The following SPAG16 variants were observed in gnomAD, a reference collection of about 807,000 sequenced individuals.
SPAG16 encodes the protein sperm associated antigen 16, also known as sperm-associated antigen 16 protein.
A neutral mutation model predicts 80.4 loss-of-function variants in SPAG16; 86 were observed. The ratio of observed to expected loss-of-function variants is 1.07; its 90% CI spans 0.90 to 1.28. SPAG16 has a LOEUF of 1.28. SPAG16 is among the 50% of genes most tolerant of loss of function. The pLI, the probability that SPAG16 is intolerant of heterozygous loss-of-function variation, is 0.00. For missense variants in SPAG16, 870 were observed against 765.3 expected, an observed-to-expected ratio of 1.14 and a Z score of -1.61; for synonymous variants, 294 against 265.9, an observed-to-expected ratio of 1.11 and a Z score of -1.03.
At chr2:214,293,551 G>A (rs767130710) in intron 15 of SPAG16, among the ~76,000 whole-genome samples, 49 of 152,320 alleles carry the variant, frequency 3.2e-4, no homozygotes, top group Non-Finnish European at 5.9e-4. Flanking sequence ...ACGTATGATA[G>A]GCAGAGGCAG....
intron 14 of SPAG16, among the ~76,000 whole-genome samples, chr2:214,145,891 A>C: frequency 6.6e-6 from 1 of 152,184 alleles, no homozygotes; most frequent in East Asian, 1.9e-4. Flanking sequence ...CAAATGTCTA[A>C]CACGTAGTAA....
intron 5 of SPAG16, chr2:213,317,791 T>C (rs1429570618): frequency 2.2e-6 from 2 of 927,468 alleles, no homozygotes; most frequent in African/African-American, 1.8e-5. Context: ...CTGTGGACTT[T>C]GGGTGATAAT....
In SPAG16 at chr2:213,797,177, T is replaced by G. The variant is rs2071096499; in HGVS notation, c.1071-65308T>G. ...ATAAGACATCCGTAAAGTTAAAAAATTAAACAGTTTATAAAGTAAAAATGT... is the reference window on the plus strand; with the variant it reads ...ATAAGACATCCGTAAAGTTAAAAAAGTAAACAGTTTATAAAGTAAAAATGT... On this transcript the variant is annotated intron_variant, in intron 10 of 15. Coordinates refer to ENST00000331683, the MANE Select transcript of SPAG16 (RefSeq NM_024532.5). Among the ~76,000 whole-genome samples, 5 of 152,136 alleles carry G rather than the reference T, an allele frequency of 3.3e-5. No homozygotes were observed. In the South Asian group the frequency reaches 1.0e-3, roughly 32 times the overall value.
intron 15 of SPAG16, among the ~76,000 whole-genome samples, chr2:214,391,791 G>A (rs1701095308): frequency 6.6e-6 from 1 of 152,128 alleles, no homozygotes; most frequent in African/African-American, 2.4e-5. Flanking sequence ...ATGAAGTTTG[G>A]ATCTGACACA....
chr2:213,938,104 A>AATAT (rs140123144), intron 12 of SPAG16, among the ~76,000 whole-genome samples: 3 of 150,144 alleles, frequency 2.0e-5, no homozygotes, highest in Admixed American at 6.6e-5. Context: ...GATAAAAGCG[A>AATAT]ATATATATAT....
At chr2:213,995,078 G>A (rs74888889) in intron 12 of SPAG16, among the ~76,000 whole-genome samples, 10,165 of 152,260 alleles carry the variant, frequency 0.067, 483 homozygotes, top group African/African-American at 0.13. Flanking sequence ...GAGGATGCTA[G>A]TTGAGAAGAC....
intron 12 of SPAG16, among the ~76,000 whole-genome samples, chr2:213,994,041 A>G (rs1047867977): frequency 6.6e-6 from 1 of 152,228 alleles, no homozygotes; most frequent in African/African-American, 2.4e-5. Flanking sequence ...TCGATTTGTG[A>G]TACAAAAACC....
At chr2:213,656,418 C>T (rs1418009673) in intron 10 of SPAG16, among the ~76,000 whole-genome samples, 1 of 152,180 alleles carries the variant, frequency 6.6e-6, no homozygotes, top group Non-Finnish European at 1.5e-5. Flanking sequence ...CTCGGCCTCC[C>T]AAAGTGCTGG....
intron 9 of SPAG16, among the ~76,000 whole-genome samples, chr2:213,427,733 G>A (rs555851416): frequency 3.0e-4 from 45 of 152,320 alleles, no homozygotes; most frequent in African/African-American, 1.1e-3. Context: ...TCTTCAGAAA[G>A]AGTTGATATA....
chr2:213,884,795 A>G (rs1360840906), intron 11 of SPAG16, among the ~76,000 whole-genome samples: 1 of 152,142 alleles, frequency 6.6e-6, no homozygotes, highest in Non-Finnish European at 1.5e-5. Flanking sequence ...TAGTACTTCC[A>G]ATTGTATTAT....
intron 12 of SPAG16, among the ~76,000 whole-genome samples, chr2:213,933,590 T>C (rs2078863163): frequency 1.3e-5 from 2 of 152,244 alleles, no homozygotes; most frequent in African/African-American, 4.8e-5. Flanking sequence ...TGTTACTGAA[T>C]GTTGCTATTC....
At chr2:213,654,051 A>C (rs189270330) in intron 10 of SPAG16, among the ~76,000 whole-genome samples, 1 of 152,316 alleles carries the variant, frequency 6.6e-6, no homozygotes, top group African/African-American at 2.4e-5. Flanking sequence ...TAGACTACAG[A>C]GTTGATGATT....
intron 12 of SPAG16, among the ~76,000 whole-genome samples, chr2:213,994,915 T>TC (rs2046445723): frequency 6.6e-6 from 1 of 152,226 alleles, no homozygotes; most frequent in Non-Finnish European, 1.5e-5. Context: ...CTTATTTGCA[T>TC]CTTTTCTTAT....
chr2:213,684,981 A>C (rs1352832067), intron 10 of SPAG16, among the ~76,000 whole-genome samples: 1 of 152,226 alleles, frequency 6.6e-6, no homozygotes, highest in African/African-American at 2.4e-5. Flanking sequence ...GGTTTACAGA[A>C]TAAAGCAGAT....
chr2:213,877,368 G>T (rs779026288), intron 11 of SPAG16, among the ~76,000 whole-genome samples: 1 of 151,940 alleles, frequency 6.6e-6, no homozygotes, highest in Non-Finnish European at 1.5e-5. Flanking sequence ...GGAGTGTGGT[G>T]GTGTGATCTT....
At chr2:213,439,011 T>C (rs2070790990) in intron 9 of SPAG16, among the ~76,000 whole-genome samples, 1 of 152,188 alleles carries the variant, frequency 6.6e-6, no homozygotes, top group Non-Finnish European at 1.5e-5. Flanking sequence ...TCATCACAGC[T>C]GCAAGAAAAT....
intron 10 of SPAG16, among the ~76,000 whole-genome samples, chr2:213,709,684 A>G (rs2065901679): frequency 1.3e-5 from 2 of 152,154 alleles, no homozygotes; most frequent in Non-Finnish European, 2.9e-5. Context: ...AATAAAGAAA[A>G]GTTATAAAAA....
intron 13 of SPAG16, among the ~76,000 whole-genome samples, chr2:214,045,626 G>C (rs2049276208): frequency 6.6e-6 from 1 of 152,064 alleles, no homozygotes. Flanking sequence ...TTAATGAAGT[G>C]ATTAAGAAGA....
At chr2:213,647,708 CT>C (rs2062869700) in intron 10 of SPAG16, among the ~76,000 whole-genome samples, 1 of 152,222 alleles carries the variant, frequency 6.6e-6, no homozygotes, top group Non-Finnish European at 1.5e-5. Context: ...CATAGAGTCT[CT>C]TTTCCAATCT....
Sources: allele counts gnomAD v4.1 joint callset (sites outside exome capture counted in the v4.1 genomes callset), GRCh38; gene constraint gnomAD v4.1.1; transcripts MANE v1.5; gene names NCBI Gene and HGNC (gene_info 2026-07-23, HGNC 2026-07-21).